The following GSDMB variants were observed in gnomAD, a reference collection of about 807,000 sequenced individuals.
The protein encoded by GSDMB is gasdermin B.
GSDMB carries 32 observed loss-of-function variants against 42.9 expected under a neutral mutation model. The ratio of observed to expected loss-of-function variants is 0.75; its 90% CI spans 0.56 to 1.00. GSDMB has a LOEUF of 1.00. Among genes scored for constraint, GSDMB ranks in the 50% least tolerant of loss-of-function variants. The pLI is 0.00. For missense variants in GSDMB, 468 were observed against 498.5 expected (o/e 0.94, Z 0.58); for synonymous variants, 175 against 193.7 (o/e 0.90, Z 0.80).
At chr17:39,916,161 T>C (rs559457955) in intron 2 of GSDMB, among the ~76,000 whole-genome samples, 16 of 152,160 alleles carry the variant, frequency 1.1e-4, no homozygotes, top group African/African-American at 3.6e-4. Flanking sequence ...TCAGTCTTGA[T>C]AGCCAAGGAA....
chr17:39,909,228 G>A (rs986426629), intron 4 of GSDMB, among the ~76,000 whole-genome samples, 186 bp from the exon 5 acceptor site: 1 of 152,156 alleles, frequency 6.6e-6, no homozygotes, highest in African/African-American at 2.4e-5. Flanking sequence ...GCTGAAATTT[G>A]AACCCACGTC....
chr17:39,909,886 A>C lies in GSDMB; in HGVS notation c.446T>G (p.Ile149Ser). 1.9e-6 allele frequency: 3 copies of C among 1,613,912 alleles called. No individual in the cohort carries two copies. The South Asian group carries it at 3.3e-5, about 18-fold the overall frequency. Residue 149 changes from isoleucine (I) to serine (S), a missense_variant, in exon 4 of 11, where the codon ATT (isoleucine) becomes AGT (serine). Physicochemically the swap from Ile to Ser is moderately radical, Grantham distance 142 (BLOSUM62 -2). Transcript: ENST00000418519. ...CAGATACAGGTTTTCTCTCGTATTA[A>C]TTGATCGGAATGAAAAGGGTAGTTC... ...KRELPFSFRS[I>S]NTRENLYLVT... is the part of the protein sequence containing the mutation.
At chr17:39,908,253 T>C (rs960893239) in intron 5 of GSDMB, 39 bp from the exon 6 acceptor site, 1 of 1,198,838 alleles carries the variant, frequency 8.3e-7, no homozygotes, top group Non-Finnish European at 1.2e-6. Flanking sequence ...AACAAGTTAT[T>C]GGAGAGACCA....
In GSDMB at chr17:39,904,683, C is replaced by T; in HGVS notation, c.*129G>A. 1.4e-6 allele frequency: 1 copy of T among 716,886 alleles called. No homozygotes were observed. The highest frequency in any genetic ancestry group is 2.4e-6 in the Non-Finnish European group (1 of 425,218). 44.4% of individuals were successfully genotyped at this position (716,886 alleles called of 1,614,324 possible). On this transcript the variant is annotated 3_prime_UTR_variant, in exon 11 of 11. Transcript: ENST00000418519. ...ATGTTAACATGGAGCGAATGGGATA[C>T]ATCAAAGAATGGTTGGCTGCTTGTT...
At chr17:39,912,547 TCTCTCCAAAACACC>T in intron 2 of GSDMB, 50 bp from the exon 3 acceptor site, 1 of 1,472,050 alleles carries the variant, frequency 6.8e-7, no homozygotes, top group Non-Finnish European at 9.5e-7. Context: ...CCAAAAGATC[TCTCTCCAAAACACC>T]CTCCCTGGGG....
Position 39,917,303 on chromosome 17 carries a change from A to G in GSDMB, c.14T>C (p.Phe5Ser). 1.2e-6 allele frequency: 2 copies of G among 1,610,498 alleles called. No homozygotes were observed. The highest frequency in any genetic ancestry group is 1.7e-6 in the Non-Finnish European group (2 of 1,176,712). Reference sequence around the variant, plus strand: ...AACTACAATTCTTGTGATTTCCTCAAATACGCTGAACATTGCGCCTGGACC... The same window carrying G: ...AACTACAATTCTTGTGATTTCCTCAGATACGCTGAACATTGCGCCTGGACC... MFSV[F>S]EEITRIVVKE... is the part of the protein sequence containing the mutation. The change falls in exon 2 of 11, where the codon TTT becomes TCT. Residue 5 changes from phenylalanine to serine, a missense_variant. Phe to Ser is a radical substitution (Grantham distance 155). Transcript: ENST00000418519.
chr17:39,904,928 C>G lies in GSDMB; in HGVS notation c.1135G>C (p.Ala379Pro). Residue 379 changes from alanine to proline, a missense_variant, in exon 11 of 11, where the codon GCC becomes CCC. By Grantham distance (27) the Ala-to-Pro change is conservative. Coordinates refer to ENST00000418519, the MANE Select transcript of GSDMB (RefSeq NM_001165958.2). ...TAGTCCATGTCAGGAGGACTGCTGG[C>G]CAGCTCATCCCAGTTCTGCTCCATG... ...SVMEQNWDEL[A>P]SSPPDMDYDP... The G allele has an allele frequency of 6.2e-7, 1 of 1,613,758 alleles. No individual in the cohort carries two copies. The highest frequency in any genetic ancestry group is 8.5e-7 in the Non-Finnish European group (1 of 1,179,668).
At chr17:39,906,650 A>T in intron 7 of GSDMB, 1 of 1,261,482 alleles carries the variant, frequency 7.9e-7, no homozygotes, top group Non-Finnish European at 1.0e-6. Flanking sequence ...CTACATGAGA[A>T]TCACCTGAGG....
rs748121158 is a variant in GSDMB at position 39,905,947 on chromosome 17, C to T, written c.927G>A (p.Glu309=). 2 of 1,614,030 alleles carry T rather than the reference C, an allele frequency of 1.2e-6. No individual in the cohort carries two copies. The highest frequency in any genetic ancestry group is 1.7e-6 in the Non-Finnish European group (2 of 1,179,950). ...TGCTTAGGAGAGGCTTGTCTGGGTC[C>T]TCCATGTGTAGCTCCCCGGAAATCA... ...EVLISGELHM[E]DPDKPLLSSL... Residue 309 remains glutamate (E), a synonymous_variant, in exon 9 of 11, where the codon GAG becomes GAA. Coordinates refer to ENST00000418519, the MANE Select transcript of GSDMB (RefSeq NM_001165958.2).
At position 39,909,061 on chromosome 17, in the gene GSDMB, A is replaced by G. The variant is rs762621445; in HGVS notation, c.577-19T>C. ...TTTGGCCCTAGAAAAAGGAGCTCAC[A>G]TTGACGGATCCCCAGGTGTTTCTAC... On this transcript the variant is annotated intron_variant, in intron 4 of 10. Coordinates refer to ENST00000418519, the MANE Select transcript of GSDMB (RefSeq NM_001165958.2). The G allele has an allele frequency of 2.0e-6, 3 of 1,471,518 alleles. No homozygotes were observed. The highest frequency in any genetic ancestry group is 2.8e-5 in the African/African-American group (2 of 70,294). The allele number at this position is 1,471,518 out of a possible 1,614,324, so 91.2% of individuals were successfully genotyped here.
intron 9 of GSDMB, 128 bp downstream of exon 9, chr17:39,905,719 G>T: frequency 1.8e-6 from 2 of 1,103,850 alleles, no homozygotes; most frequent in Non-Finnish European, 1.3e-6. Flanking sequence ...GCCTGAGGAA[G>T]ACATGAAGGA....
rs2063472116 is a variant in GSDMB, at chr17:39,904,725, G to A, written c.*87C>T. The A allele has an allele frequency of 9.1e-7, 1 of 1,101,372 alleles. No homozygotes were observed. The highest frequency in any genetic ancestry group is 1.6e-5 in the African/African-American group (1 of 63,786). The allele number at this position is 1,101,372 out of a possible 1,614,324, so 68.2% of individuals were successfully genotyped here. The stretch of plus-strand genomic sequence containing the variant: ...CTGCTTGTTTTAAAGAGGTCCCACT[G>A]GTGACAGGATGGTAGTGGCGATGGC... On this transcript the variant is annotated 3_prime_UTR_variant, in exon 11 of 11. Transcript: ENST00000418519.
chr17:39,906,061 C>T (rs751993940), intron 8 of GSDMB, 50 bp downstream of exon 8: 1 of 1,572,482 alleles, frequency 6.4e-7, no homozygotes, highest in Non-Finnish European at 8.8e-7. Context: ...ACTGCCATCC[C>T]CTCTGGCTCC....
In GSDMB at chr17:39,917,114, T is replaced by C. The variant is rs751454518; in HGVS notation, c.203A>G (p.Lys68Arg). ...LMDILDTDGD[K>R]WLDELDSGLQ... Reference sequence around the variant, plus strand: ...CCCAGAATCCAGTTCATCTAACCACTTGTCCCCATCTGTGTCCAGAATGTC... The same window carrying C: ...CCCAGAATCCAGTTCATCTAACCACCTGTCCCCATCTGTGTCCAGAATGTC... The change falls in exon 2 of 11, where the codon AAG (lysine) becomes AGG (arginine). Residue 68 changes from lysine (K) to arginine (R), a missense_variant. Physicochemically the swap from Lys to Arg is conservative, Grantham distance 26. Coordinates refer to ENST00000418519, the MANE Select transcript of GSDMB (RefSeq NM_001165958.2). 1.2e-6 allele frequency: 2 copies of C among 1,614,060 alleles called. No individual in the cohort carries two copies. The highest frequency in any genetic ancestry group is 2.2e-5 in the South Asian group (2 of 91,078).
In GSDMB at chr17:39,906,146, C is replaced by T. The variant is rs141827116; in HGVS notation, c.853G>A (p.Gly285Ser). The change falls in exon 8 of 11, where the codon GGC becomes AGC. Residue 285 changes from glycine (G) to serine (S), a missense_variant. Gly to Ser is a moderately conservative substitution (Grantham distance 56). Transcript: ENST00000418519. ...DVLNSLAKCLGKEDIRQDLEQ... is the reference protein window; with the variant it reads ...DVLNSLAKCLSKEDIRQDLEQ... ...AGATCCTGCCGAATATCCTCCTTGC[C>T]GAGGCACTTAGCGAGGGAGTTTAGC... 6.1e-5 allele frequency: 99 copies of T among 1,614,038 alleles called. No homozygotes were observed. The African/African-American group carries it at 1.1e-3, about 17-fold the overall frequency.
Position 39,906,030 on chromosome 17 carries a change from C to T in GSDMB, c.889-45G>A. 1.9e-6 allele frequency: 3 copies of T among 1,610,336 alleles called. No homozygotes were observed. The South Asian group carries it at 3.3e-5, about 18-fold the overall frequency. On this transcript the variant is annotated intron_variant, in intron 8 of 10. Coordinates refer to ENST00000418519, the MANE Select transcript of GSDMB (RefSeq NM_001165958.2). ...GAGATGAGCAGCAGTCTCACCATAG[C>T]AGATTATCCTCACTGTGCCAACTGC...
intron 7 of GSDMB, 191 bp downstream of exon 7, chr17:39,906,770 G>C (rs1422007155): frequency 1.4e-6 from 2 of 1,387,486 alleles, no homozygotes; most frequent in East Asian, 5.2e-5. Flanking sequence ...TGATTTTGGG[G>C]TATAACCAAT....
chr17:39,911,923 G>A (rs746907204), intron 3 of GSDMB, among the ~76,000 whole-genome samples: 3 of 151,512 alleles, frequency 2.0e-5, no homozygotes, highest in Admixed American at 1.3e-4. Flanking sequence ...CCGACAGAGC[G>A]AGACTCCGTC....
chr17:39,913,530 T>C (rs933458224), intron 2 of GSDMB, among the ~76,000 whole-genome samples: 3 of 152,094 alleles, frequency 2.0e-5, no homozygotes, highest in African/African-American at 7.2e-5. Flanking sequence ...GGAGAATCGC[T>C]TGAACCTGGG....
Sources: allele counts gnomAD v4.1 joint callset (sites outside exome capture counted in the v4.1 genomes callset), GRCh38; gene constraint gnomAD v4.1.1; transcripts MANE v1.5; gene names NCBI Gene and HGNC (gene_info 2026-07-23, HGNC 2026-07-21).